Variants in DMXL2 observed in about 807,000 individuals in gnomAD.
The protein encoded by DMXL2 is dmX-like protein 2.
DMXL2 carries 103 observed loss-of-function variants against 331.1 expected under a neutral mutation model. The ratio of observed to expected loss-of-function variants is 0.31; its 90% confidence interval spans 0.27 to 0.37. The LOEUF is 0.37. DMXL2 is among the 10% of genes least tolerant of loss of function. The pLI, the probability that DMXL2 is intolerant of heterozygous loss-of-function variation, is 1.00. For synonymous variants in DMXL2, 1,281 were observed against 1,252.1 expected (o/e 1.02, Z -0.49); for missense variants, 3,171 against 3,642.9 (o/e 0.87, Z 3.33).
chr15:51,458,685 G>A (rs749995847), intron 35 of DMXL2, 24 bp downstream of exon 35: 10 of 1,613,460 alleles, frequency 6.2e-6, no homozygotes, highest in African/African-American at 1.3e-5. Context: ...GAAATACACT[G>A]TGTATAATGA....
chr15:51,580,039 G>A (rs556452059), intron 1 of DMXL2, among the ~76,000 whole-genome samples: 2 of 152,242 alleles, frequency 1.3e-5, no homozygotes, highest in East Asian at 3.9e-4. Flanking sequence ...TCTATTCCAT[G>A]AAGATCCTGT....
At chr15:51,556,843 G>A (rs1051183686) in intron 6 of DMXL2, among the ~76,000 whole-genome samples, 76 of 152,106 alleles carry the variant, frequency 5.0e-4, no homozygotes, top group African/African-American at 1.8e-3. Flanking sequence ...ATCGTTTGTG[G>A]TTTAGAAAAA....
At chr15:51,455,067 C>T in intron 40 of DMXL2, 84 bp downstream of exon 40, 1 of 1,098,464 alleles carries the variant, frequency 9.1e-7, no homozygotes, top group Admixed American at 1.7e-5. Flanking sequence ...AATAGGACCA[C>T]CAATGAGATT....
At chr15:51,592,982 G>A (rs937096376) in intron 1 of DMXL2, among the ~76,000 whole-genome samples, 3 of 152,156 alleles carry the variant, frequency 2.0e-5, no homozygotes, top group East Asian at 1.9e-4. Flanking sequence ...AAAGACCATC[G>A]AGGCTAAGAA....
chr15:51,548,143 C>T (rs188572472), intron 6 of DMXL2, among the ~76,000 whole-genome samples: 30 of 151,816 alleles, frequency 2.0e-4, no homozygotes, highest in Admixed American at 8.6e-4. Flanking sequence ...TAGTTAAAGG[C>T]TAAACAACTG....
At chr15:51,561,868 C>T (rs976408161) in intron 6 of DMXL2, among the ~76,000 whole-genome samples, 2 of 152,080 alleles carry the variant, frequency 1.3e-5, no homozygotes, top group Non-Finnish European at 2.9e-5. Flanking sequence ...GGACAAAATC[C>T]TATAACTTGT....
chr15:51,601,993 C>T (rs2053258481), intron 1 of DMXL2, among the ~76,000 whole-genome samples: 1 of 152,140 alleles, frequency 6.6e-6, no homozygotes, highest in South Asian at 2.1e-4. Context: ...AAAATGACAT[C>T]ATAGCTCCAG....
At position 51,600,065 on chromosome 15, in the gene DMXL2, A is replaced by G. The variant is rs137992868; in HGVS notation, c.87+22394T>C. On this transcript the variant is annotated intron_variant, in intron 1 of 43. Transcript: ENST00000560891. ...TGAGAAACCTGGCTCACAATATCCA[A>G]AATATTTCTATCTGCAATTGTGGTT... 2.6e-5 allele frequency among the ~76,000 whole-genome samples: 4 copies of G among 152,286 alleles called. No individual in the cohort carries two copies. In the East Asian group the frequency reaches 7.7e-4, roughly 29 times the overall value.
At position 51,456,052 on chromosome 15, in the gene DMXL2, C is replaced by T; in HGVS notation, c.8526+14G>A. ...ATTTTCAGATGAATTCAGCAGTAGC[C>T]CCCAGAAACTAACCTTGTTGCCTTG... is the stretch of plus-strand genomic sequence containing the variant. On this transcript the variant is annotated intron_variant, in intron 39 of 43. Transcript: ENST00000560891. The T allele has an allele frequency of 6.2e-7, 1 of 1,613,344 alleles. No homozygotes were observed.
rs79169359 is a variant in DMXL2 at position 51,537,022 on chromosome 15, C to T, written c.1618-160G>A. On this transcript the variant is annotated intron_variant, in intron 11 of 43. Coordinates refer to ENST00000560891, the MANE Select transcript of DMXL2 (RefSeq NM_001378457.1). ...TTGCTCTATTTAGGTAATACCATAT[C>T]TCTATTCATGGCCTAAGAGAAGGCT... Among the ~76,000 whole-genome samples, 382 of 152,236 alleles carry T rather than the reference C, an allele frequency of 2.5e-3. 17 individuals carry two copies. In the East Asian group the frequency reaches 0.061, roughly 24 times the overall value.
At chr15:51,502,712 C>A in intron 17 of DMXL2, 94 bp downstream of exon 17, 2 of 795,746 alleles carry the variant, frequency 2.5e-6, no homozygotes, top group South Asian at 3.2e-5. Context: ...CAACATAGAA[C>A]ATATTTCAGA....
chr15:51,541,368 G>A (rs1423891096), intron 9 of DMXL2, among the ~76,000 whole-genome samples: 1 of 151,834 alleles, frequency 6.6e-6, no homozygotes, highest in Admixed American at 6.6e-5. Context: ...ATTTCAACAA[G>A]TAATCAATAT....
At chr15:51,559,217 GAGA>G (rs2049796648) in intron 6 of DMXL2, among the ~76,000 whole-genome samples, 2 of 152,256 alleles carry the variant, frequency 1.3e-5, no homozygotes, top group African/African-American at 2.4e-5. Flanking sequence ...AATGGAGTGG[GAGA>G]AGATCTTTGC....
Position 51,500,193 on chromosome 15 carries a change from C to T in DMXL2, c.3031G>A (p.Ala1011Thr). ...CAAGTTGTAACCACTAAATAAGGTG[C>T]AAGGCACACTGGATAAATTGAAGAA... Reference protein sequence around the residue: ...SSSSIYPVCLAPYLVVTTCSD... With the variant: ...SSSSIYPVCLTPYLVVTTCSD... The change falls in exon 18 of 44, where the codon GCA becomes ACA. Residue 1011 changes from alanine (A) to threonine (T), a missense_variant. By Grantham distance (58) the Ala-to-Thr change is moderately conservative. Transcript: ENST00000560891. The T allele has an allele frequency of 6.2e-7, 1 of 1,613,280 alleles. No homozygotes were observed. The highest frequency in any genetic ancestry group is 8.5e-7 in the Non-Finnish European group (1 of 1,179,732).
At position 51,474,434 on chromosome 15, in the gene DMXL2, G is replaced by A. The variant is rs1555415182; in HGVS notation, c.7123C>T (p.His2375Tyr). Residue 2375 changes from histidine to tyrosine, a missense_variant, in exon 28 of 44, where the codon CAC (histidine) becomes TAC (tyrosine). Transcript: ENST00000560891. ...SSSELFRLAA[H>Y]PLNNRMWAAV... Reference sequence around the variant, plus strand: ...GCCCACATTCGATTATTTAATGGGTGGGCTGCAAGCCGAAATAATTCACTG... The same window carrying A: ...GCCCACATTCGATTATTTAATGGGTAGGCTGCAAGCCGAAATAATTCACTG... 1 of 1,613,972 alleles carries A rather than the reference G, an allele frequency of 6.2e-7. No homozygotes were observed. The highest frequency in any genetic ancestry group is 8.5e-7 in the Non-Finnish European group (1 of 1,179,984).
rs2043793012 is a variant in DMXL2, at chr15:51,503,048, T to C, written c.2765-15A>G. 2 of 1,531,250 alleles carry C rather than the reference T, an allele frequency of 1.3e-6. No individual in the cohort carries two copies. Among genetic ancestry groups the C allele is most frequent in the South Asian group, 2.3e-5 (2 of 85,678 alleles). The allele number at this position is 1,531,250 out of a possible 1,614,324, so 94.9% of individuals were successfully genotyped here. On this transcript the variant is annotated splice_polypyrimidine_tract_variant and intron_variant, in intron 16 of 43. Transcript: ENST00000560891. ...TGAAGCTTTAGCTTTAAAAATAAAT[T>C]ATAAAATTACAAAATGTATGTATAT... is the stretch of plus-strand genomic sequence containing the variant.
intron 1 of DMXL2, among the ~76,000 whole-genome samples, chr15:51,601,207 C>T (rs925952919): frequency 2.3e-4 from 33 of 144,138 alleles, no homozygotes; most frequent in South Asian, 8.8e-4. Flanking sequence ...AGGAGAATGG[C>T]GTGAACCTGG....
rs978314357 is a variant in DMXL2 at position 51,564,983 on chromosome 15, T to C, written c.364+105A>G. On this transcript the variant is annotated intron_variant, in intron 4 of 43. Transcript: ENST00000560891. ...TATATTCATCAACAAAAAGAAAATA[T>C]AATACATTGATCATTTTCTTATTAT... 46 of 673,114 alleles carry C rather than the reference T, an allele frequency of 6.8e-5. No individual in the cohort carries two copies. In the African/African-American group the frequency reaches 7.4e-4, roughly 11 times the overall value. 41.7% of individuals were successfully genotyped at this position (673,114 alleles called of 1,614,324 possible). A position where few individuals can be genotyped will look rare whatever the true frequency, so the allele number is the denominator to read the frequency against.
chr15:51,481,070 C>G lies in DMXL2; in HGVS notation c.6036G>C (p.Gln2012His). The change falls in exon 24 of 44, where the codon CAG (glutamine) becomes CAC (histidine). Residue 2012 changes from glutamine (Q) to histidine (H), a missense_variant. Physicochemically the swap from Gln to His is conservative, Grantham distance 24. Transcript: ENST00000560891. ...ATAACATGTTAGGGTCTGAGGCCTTCTGATCTGATTGTTTATCTTTTTCCC... is the reference window on the plus strand; with the variant it reads ...ATAACATGTTAGGGTCTGAGGCCTTGTGATCTGATTGTTTATCTTTTTCCC... The part of the protein sequence containing the change: ...DAREKDKQSD[Q>H]KASDPNMLLT... The G allele has an allele frequency of 3.1e-6, 5 of 1,614,020 alleles. No homozygotes were observed. The highest frequency in any genetic ancestry group is 4.2e-6 in the Non-Finnish European group (5 of 1,179,920).
Sources: allele counts gnomAD v4.1 joint callset (sites outside exome capture counted in the v4.1 genomes callset), GRCh38; gene constraint gnomAD v4.1.1; transcripts MANE v1.5; gene names NCBI Gene and HGNC (gene_info 2026-07-23, HGNC 2026-07-21).